RGS22: variants seen among roughly 807,000 people sequenced by gnomAD.
The protein encoded by RGS22 is regulator of G-protein signaling 22.
Under a neutral mutation model 172.9 loss-of-function variants are expected in RGS22, and 148 were observed. That is an observed-to-expected ratio of 0.86 (90% CI 0.75 to 0.98). RGS22 has a LOEUF of 0.98. Ranked by LOEUF, RGS22 falls within the 50% of genes least tolerant of loss-of-function variation. RGS22 has a pLI of 0.00. For missense variants in RGS22, 1,347 were observed against 1,440.8 expected, an observed-to-expected ratio of 0.93 and a Z score of 1.05; for synonymous variants, 458 against 480.2, an observed-to-expected ratio of 0.95 and a Z score of 0.60.
Position 100,069,352 on chromosome 8 carries a change from T to C in RGS22, c.594+2017A>G, listed in dbSNP as rs139564487. ...AGGGAGTAGCAGCACAAGGGCTACA[T>C]AGATGCCATTCCTGATTTTGTATAG... On this transcript the variant is annotated intron_variant, in intron 6 of 27. Coordinates refer to ENST00000360863, the MANE Select transcript of RGS22 (RefSeq NM_015668.5). 4.3e-3 allele frequency among the ~76,000 whole-genome samples: 661 copies of C among 152,348 alleles called. 6 individuals are homozygous for C. Among genetic ancestry groups the C allele is most frequent in the African/African-American group, 0.015 (632 of 41,580 alleles).
chr8:100,052,229 ATG>A (rs1255338982), intron 10 of RGS22, among the ~76,000 whole-genome samples: 19 of 117,694 alleles, frequency 1.6e-4, no homozygotes, highest in African/African-American at 6.8e-4. Flanking sequence ...ACACATATAT[ATG>A]TATATTTATA....
At chr8:100,093,163 CA>C (rs542513128) in intron 3 of RGS22, 2,670 of 232,424 alleles carry the variant, frequency 0.011, no homozygotes, top group South Asian at 0.023. Context: ...CACAATGTCT[CA>C]AAAAAAAAAG....
intron 10 of RGS22, among the ~76,000 whole-genome samples, chr8:100,047,875 G>C (rs1265358304): frequency 2.0e-5 from 3 of 152,036 alleles, no homozygotes; most frequent in African/African-American, 4.8e-5. Flanking sequence ...CCTGGAGAAA[G>C]AACATTGTAA....
intron 10 of RGS22, 78 bp from the exon 11 acceptor site, chr8:100,047,674 C>G (rs779765181): frequency 1.5e-5 from 20 of 1,308,524 alleles, no homozygotes; most frequent in South Asian, 2.0e-5. Flanking sequence ...CAAATTTGTT[C>G]TCATCACTCG....
At chr8:100,019,391 T>C (rs1345069595) in intron 14 of RGS22, among the ~76,000 whole-genome samples, 1 of 152,266 alleles carries the variant, frequency 6.6e-6, no homozygotes, top group East Asian at 1.9e-4. Context: ...ATCATGTGTA[T>C]GTATCTTGCT....
At chr8:100,037,331 A>C (rs1819613926) in intron 14 of RGS22, among the ~76,000 whole-genome samples, 1 of 152,170 alleles carries the variant, frequency 6.6e-6, no homozygotes, top group Non-Finnish European at 1.5e-5. Flanking sequence ...GACAAAGTAA[A>C]ATAACTATAG....
At chr8:100,098,238 T>C (rs1813136635) in intron 2 of RGS22, among the ~76,000 whole-genome samples, 3 of 152,230 alleles carry the variant, frequency 2.0e-5, no homozygotes, top group African/African-American at 7.2e-5. Flanking sequence ...TCAATGCCTT[T>C]AGATAGTAAA....
intron 14 of RGS22, among the ~76,000 whole-genome samples, chr8:100,017,662 C>A (rs1180305083): frequency 1.3e-5 from 2 of 151,704 alleles, no homozygotes; most frequent in Non-Finnish European, 2.9e-5. Context: ...GTTTAAAAAG[C>A]TAAACAACAC....
intron 2 of RGS22, among the ~76,000 whole-genome samples, chr8:100,096,878 T>C (rs1813020377): frequency 1.3e-5 from 2 of 151,714 alleles, no homozygotes; most frequent in South Asian, 2.1e-4. Context: ...GGAAATAAGA[T>C]ACAGACAAAA....
At chr8:100,046,864 A>G (rs1820779778) in intron 11 of RGS22, among the ~76,000 whole-genome samples, 1 of 151,624 alleles carries the variant, frequency 6.6e-6, no homozygotes, top group African/African-American at 2.4e-5. Context: ...CGCCCAGGCT[A>G]GAGTGCAGTG....
At chr8:100,071,635 T>C in intron 5 of RGS22, 98 bp from the exon 6 acceptor site, 1 of 805,440 alleles carries the variant, frequency 1.2e-6, no homozygotes, top group Non-Finnish European at 1.9e-6. Flanking sequence ...CAATCTCCTC[T>C]CCTCACTCTT....
intron 10 of RGS22, among the ~76,000 whole-genome samples, chr8:100,052,250 T>C (rs1309647580): frequency 5.0e-5 from 7 of 138,788 alleles, no homozygotes; most frequent in Non-Finnish European, 1.5e-5. Context: ...TATATAAATA[T>C]ATAAATGTAT....
At position 100,052,833 on chromosome 8, in the gene RGS22, T is replaced by A. The variant is rs768710788; in HGVS notation, c.1658A>T (p.Lys553Ile). The A allele has an allele frequency of 6.2e-7, 1 of 1,614,058 alleles. No homozygotes were observed. The highest frequency in any genetic ancestry group is 2.2e-5 in the East Asian group (1 of 44,856). Residue 553 changes from lysine to isoleucine, a missense_variant, in exon 10 of 28, where the codon AAA becomes ATA. Coordinates refer to ENST00000360863, the MANE Select transcript of RGS22 (RefSeq NM_015668.5). ...CTCAGGTATCTGTGGAATGCAAGATTTGGGTCTTAATGGCAAGAGGGTTGC... is the reference window on the plus strand; with the variant it reads ...CTCAGGTATCTGTGGAATGCAAGATATGGGTCTTAATGGCAAGAGGGTTGC... ...QMATLLPLRP[K>I]SCIPQIPEIQ...
chr8:100,041,254 C>T (rs954874373), intron 12 of RGS22, among the ~76,000 whole-genome samples: 3 of 152,092 alleles, frequency 2.0e-5, no homozygotes, highest in South Asian at 4.1e-4. Context: ...TTTGGAAGGG[C>T]GAGACAGGCG....
chr8:100,066,346 C>A (rs1810535525), intron 6 of RGS22, 50 bp from the exon 7 acceptor site: 4 of 1,496,642 alleles, frequency 2.7e-6, no homozygotes, highest in Non-Finnish European at 3.7e-6. Context: ...CAGTATTACT[C>A]TGATCACAAA....
chr8:100,019,403 T>C (rs1817359808), intron 14 of RGS22, among the ~76,000 whole-genome samples: 1 of 152,258 alleles, frequency 6.6e-6, no homozygotes, highest in Non-Finnish European at 1.5e-5. Flanking sequence ...TATCTTGCTA[T>C]GATTGCCTGG....
chr8:100,057,886 A>G lies in RGS22; in HGVS notation c.1514+4705T>C, dbSNP rs150011148. 5.3e-3 allele frequency among the ~76,000 whole-genome samples: 812 copies of G among 152,326 alleles called. 5 individuals carry two copies. Among genetic ancestry groups the G allele is most frequent in the African/African-American group, 0.018 (745 of 41,570 alleles). On this transcript the variant is annotated intron_variant, in intron 9 of 27. Coordinates refer to ENST00000360863, the MANE Select transcript of RGS22 (RefSeq NM_015668.5). The stretch of plus-strand genomic sequence containing the variant: ...GAATGAAATATGGCAACAGGGACCA[A>G]TTCTGGAGAAACAGAGATATGTGAC...
intron 27 of RGS22, 53 bp from the exon 28 acceptor site, chr8:99,961,249 A>G: frequency 2.3e-6 from 1 of 435,658 alleles, no homozygotes; most frequent in Non-Finnish European, 4.5e-6. Context: ...GAAAATATAA[A>G]TACAAATATA....
At chr8:100,072,687 A>T (rs1210064455) in intron 4 of RGS22, among the ~76,000 whole-genome samples, 1 of 152,194 alleles carries the variant, frequency 6.6e-6, no homozygotes, top group Non-Finnish European at 1.5e-5. Context: ...TAACTATTTA[A>T]CATCTCCAGG....
Sources: allele counts gnomAD v4.1 joint callset (sites outside exome capture counted in the v4.1 genomes callset), GRCh38; gene constraint gnomAD v4.1.1; transcripts MANE v1.5; gene names NCBI Gene and HGNC (gene_info 2026-07-23, HGNC 2026-07-21).